POLK: variants seen among roughly 807,000 people sequenced by gnomAD.
POLK encodes the protein DNA polymerase kappa, also known as polymerase (DNA directed) kappa.
Under a neutral mutation model 94.0 loss-of-function variants are expected in POLK, and 76 were observed. The observed-to-expected ratio is 0.81, with a 90% CI of 0.67 to 0.98. POLK has a LOEUF of 0.98. Ranked by LOEUF, POLK falls within the 50% of genes least tolerant of loss-of-function variation. POLK has a pLI of 0.00. For missense variants in POLK, 954 were observed against 1,010.1 expected (o/e 0.94, Z 0.75); for synonymous variants, 349 against 325.4 (o/e 1.07, Z -0.78).
the POLK span, among the ~76,000 whole-genome samples, chr5:75,608,454 C>T: frequency 4.6e-5 from 7 of 152,282 alleles, 1 homozygote; most frequent in South Asian, 1.5e-3. Flanking sequence ...TTCGGCCTCT[C>T]AAATTGCTGG....
intron 3 of POLK, among the ~76,000 whole-genome samples, chr5:75,556,842 G>A (rs576570665): frequency 2.0e-5 from 3 of 152,090 alleles, no homozygotes; most frequent in Non-Finnish European, 4.4e-5. Context: ...TGGGAAGATC[G>A]CTTGAGCCCA....
intron 12 of POLK, among the ~76,000 whole-genome samples, chr5:75,595,806 T>C (rs1561413361): frequency 6.6e-6 from 1 of 152,070 alleles, no homozygotes; most frequent in Admixed American, 6.5e-5. Context: ...GTTGGGGTGG[T>C]GGAGGGGTGT....
chr5:75,566,953 C>A (rs1441275912), intron 3 of POLK, among the ~76,000 whole-genome samples: 2 of 152,152 alleles, frequency 1.3e-5, no homozygotes, highest in African/African-American at 4.8e-5. Context: ...ATGGGGATTT[C>A]AGTTGAAGAA....
chr5:75,563,557 C>A (rs1322450642), intron 3 of POLK, among the ~76,000 whole-genome samples: 1 of 152,178 alleles, frequency 6.6e-6, no homozygotes, highest in Non-Finnish European at 1.5e-5. Context: ...TACCTCTAAA[C>A]ACTGCTTTAG....
exon 15 of POLK, chr5:75,599,459 A>C (rs1014541844): frequency 6.6e-6 from 1 of 152,176 alleles, no homozygotes; most frequent in Non-Finnish European, 1.5e-5. Flanking sequence ...TGGTAACTAG[A>C]CTTTTAATTA....
At chr5:75,584,311 C>T (rs1018117960) in intron 8 of POLK, among the ~76,000 whole-genome samples, 3 of 152,044 alleles carry the variant, frequency 2.0e-5, no homozygotes, top group South Asian at 2.1e-4. Flanking sequence ...TTCCATGAAA[C>T]GCTAGTTTAG....
intron 1 of POLK, among the ~76,000 whole-genome samples, chr5:75,534,122 T>C (rs10043621): frequency 0.22 from 33,760 of 151,948 alleles, 3,898 homozygotes; most frequent in South Asian, 0.4. Context: ...AAAAATTAGC[T>C]GGGCATGGTG....
intron 5 of POLK, among the ~76,000 whole-genome samples, chr5:75,574,598 A>C (rs2112787898): frequency 6.6e-6 from 1 of 152,332 alleles, no homozygotes; most frequent in South Asian, 2.1e-4. Context: ...GAAACACTTA[A>C]AAAAACTGTG....
At chr5:75,596,127 T>C in intron 12 of POLK, 95 bp from the exon 13 acceptor site, 1 of 695,956 alleles carries the variant, frequency 1.4e-6, no homozygotes, top group Non-Finnish European at 2.5e-6. Flanking sequence ...AGCCAACCTT[T>C]TGTATATGTC....
chr5:75,538,436 G>A (rs1394386162), intron 1 of POLK, among the ~76,000 whole-genome samples: 1 of 152,042 alleles, frequency 6.6e-6, no homozygotes, highest in African/African-American at 2.4e-5. Context: ...AATCTAGCTC[G>A]GTGTTTTGCA....
At chr5:75,584,904 C>G (rs1396027402) in exon 9 of POLK, 1 of 1,599,432 alleles carries the variant, frequency 6.3e-7, no homozygotes. Flanking sequence ...CTCCTTGGGT[C>G]TAGGTTCAAC....
At chr5:75,547,209 C>T in intron 2 of POLK, 52 bp downstream of exon 2, 7 of 948,082 alleles carry the variant, frequency 7.4e-6, no homozygotes, top group Non-Finnish European at 1.0e-5. Context: ...TTTTAACTTT[C>T]TGTTTCAAAG....
chr5:75,600,686 C>T (rs1773278395), exon 15 of POLK: 1 of 152,070 alleles, frequency 6.6e-6, no homozygotes, highest in African/African-American at 2.4e-5. Flanking sequence ...TGTACCATGG[C>T]ATTTATATTG....
At chr5:75,569,606 T>C (rs538195399) in intron 4 of POLK, 114 bp downstream of exon 4, 5 of 898,992 alleles carry the variant, frequency 5.6e-6, no homozygotes, top group Admixed American at 2.7e-5. Context: ...AGTATTTTTC[T>C]GGGTGCCTTA....
intron 3 of POLK, among the ~76,000 whole-genome samples, chr5:75,558,455 C>T (rs1331321309): frequency 6.6e-6 from 1 of 152,064 alleles, no homozygotes; most frequent in Non-Finnish European, 1.5e-5. Flanking sequence ...GTCCCAACTC[C>T]ATTTATTGAA....
intron 2 of POLK, among the ~76,000 whole-genome samples, chr5:75,550,596 A>G (rs1351866853): frequency 6.6e-6 from 1 of 152,160 alleles, no homozygotes; most frequent in Non-Finnish European, 1.5e-5. Context: ...GATAAAAAAA[A>G]GAGAGAGATC....
chr5:75,542,701 ATG>A (rs1024688336), intron 1 of POLK, among the ~76,000 whole-genome samples: 10 of 147,226 alleles, frequency 6.8e-5, no homozygotes, highest in African/African-American at 2.5e-4. Flanking sequence ...ATGTATATAT[ATG>A]TATTTTTTTT....
At chr5:75,590,384 C>T in exon 11 of POLK, 3 of 1,609,596 alleles carry the variant, frequency 1.9e-6, no homozygotes, top group East Asian at 4.5e-5. Flanking sequence ...GCAATACAGC[C>T]TATGTCAAGA....
intron 3 of POLK, among the ~76,000 whole-genome samples, chr5:75,560,309 A>G (rs528606250): frequency 6.6e-6 from 1 of 152,314 alleles, no homozygotes; most frequent in Non-Finnish European, 1.5e-5. Flanking sequence ...ATTATAGATA[A>G]TTAAGCCCTT....
Sources: allele counts gnomAD v4.1 joint callset (sites outside exome capture counted in the v4.1 genomes callset), GRCh38; gene constraint gnomAD v4.1.1; transcripts MANE v1.5; gene names NCBI Gene and HGNC (gene_info 2026-07-23, HGNC 2026-07-21).